The following ILDR1 variants were observed in gnomAD, a reference collection of about 807,000 sequenced individuals.
The protein encoded by ILDR1 is immunoglobulin-like domain-containing receptor 1.
A neutral mutation model predicts 62.4 loss-of-function variants in ILDR1; 56 were observed. That is an observed-to-expected ratio of 0.90 (90% CI 0.72 to 1.12). ILDR1 has a LOEUF of 1.12. ILDR1 is among the 50% of genes most tolerant of loss of function. The pLI is 0.00. For synonymous variants in ILDR1, 284 were observed against 277.8 expected (o/e 1.02, Z -0.22); for missense variants, 736 against 710.6 (o/e 1.04, Z -0.41).
At chr3:121,997,401 A>T (rs1425954778) in intron 5 of ILDR1, among the ~76,000 whole-genome samples, 1 of 152,196 alleles carries the variant, frequency 6.6e-6, no homozygotes, top group Admixed American at 6.5e-5. Context: ...AATTGACCTC[A>T]AATAGCCCTC....
At chr3:122,030,221 G>C in the ILDR1 span, among the ~76,000 whole-genome samples, 1 of 152,068 alleles carries the variant, frequency 6.6e-6, no homozygotes, top group Non-Finnish European at 1.5e-5. Context: ...AGGACAAATG[G>C]GGGCTGCATT....
Position 122,001,326 on chromosome 3 carries a change from A to G in ILDR1, c.628T>C (p.Cys210Arg). The change falls in exon 5 of 8, where the codon TGC becomes CGC. Residue 210 changes from cysteine (C) to arginine (R), a missense_variant. Cys to Arg is a radical substitution (Grantham distance 180, BLOSUM62 -3). Transcript: ENST00000344209. ...CTCTCACCTTCCTCAGGACAGCAGCAGTGGGCAGGACAGCAGGGACAGCGG... is the reference window on the plus strand; with the variant it reads ...CTCTCACCTTCCTCAGGACAGCAGCGGTGGGCAGGACAGCAGGGACAGCGG... ...YIRCPCCPAH[C>R]CCPEEALARH... 1 of 1,614,210 alleles carries G rather than the reference A, an allele frequency of 6.2e-7. No individual in the cohort carries two copies. Among genetic ancestry groups the G allele is most frequent in the East Asian group, 2.2e-5 (1 of 44,890 alleles).
the ILDR1 span, among the ~76,000 whole-genome samples, chr3:122,039,412 A>G: frequency 8.5e-5 from 13 of 152,128 alleles, no homozygotes; most frequent in Non-Finnish European, 1.9e-4. Context: ...TTACACGTAG[A>G]AAAACAAGAT....
chr3:122,023,078 T>C (rs1394447124), upstream of ILDR1, among the ~76,000 whole-genome samples: 6 of 151,050 alleles, frequency 4.0e-5, no homozygotes, highest in South Asian at 2.1e-4. Context: ...CTGCTGCAGC[T>C]TTCCATAGCT....
At chr3:122,052,757 T>C in the ILDR1 span, among the ~76,000 whole-genome samples, 1 of 152,162 alleles carries the variant, frequency 6.6e-6, no homozygotes, top group Non-Finnish European at 1.5e-5. Flanking sequence ...TTAGTAGAGA[T>C]GGGGTTTCAC....
chr3:122,028,869 C>G, the ILDR1 span, among the ~76,000 whole-genome samples: 1 of 152,138 alleles, frequency 6.6e-6, no homozygotes, highest in African/African-American at 2.4e-5. Flanking sequence ...TGTATATATC[C>G]TAGGACCCTG....
At chr3:122,041,098 C>A in the ILDR1 span, among the ~76,000 whole-genome samples, 1 of 152,136 alleles carries the variant, frequency 6.6e-6, no homozygotes, top group Non-Finnish European at 1.5e-5. Context: ...TAAAATGGGT[C>A]AAAAACCTTA....
the ILDR1 span, among the ~76,000 whole-genome samples, chr3:122,051,801 A>G: frequency 5.9e-5 from 9 of 152,290 alleles, no homozygotes; most frequent in South Asian, 1.0e-3. Context: ...AAAGACCTTC[A>G]TAATCTTTAG....
intron 1 of ILDR1, among the ~76,000 whole-genome samples, chr3:122,012,916 T>A (rs2071724992): frequency 6.6e-6 from 1 of 152,228 alleles, no homozygotes; most frequent in African/African-American, 2.4e-5. Flanking sequence ...GGTGGACTCA[T>A]TCACAGCTTG....
At chr3:122,010,861 A>C (rs1216195306) in intron 1 of ILDR1, among the ~76,000 whole-genome samples, 1 of 152,208 alleles carries the variant, frequency 6.6e-6, no homozygotes, top group Non-Finnish European at 1.5e-5. Flanking sequence ...ATATTCTTTT[A>C]TATACTAAAT....
the ILDR1 span, among the ~76,000 whole-genome samples, chr3:122,040,884 T>A: frequency 6.6e-6 from 1 of 152,010 alleles, no homozygotes; most frequent in African/African-American, 2.4e-5. Context: ...AAAGTCACAA[T>A]GCATGAAAGA....
At chr3:122,019,176 G>A (rs1456480714) in intron 1 of ILDR1, among the ~76,000 whole-genome samples, 1 of 152,178 alleles carries the variant, frequency 6.6e-6, no homozygotes, top group African/African-American at 2.4e-5. Flanking sequence ...GGCAACTAGA[G>A]CTATTAGCCA....
intron 1 of ILDR1, among the ~76,000 whole-genome samples, chr3:122,007,574 C>T (rs964264377): frequency 1.3e-5 from 2 of 152,180 alleles, no homozygotes; most frequent in African/African-American, 4.8e-5. Context: ...ACCAGGCCTA[C>T]GAAACCCGTT....
At chr3:122,024,047 A>G (rs927239579), upstream of ILDR1, among the ~76,000 whole-genome samples, 6 of 149,676 alleles carry the variant, frequency 4.0e-5, no homozygotes, top group Non-Finnish European at 7.4e-5. Flanking sequence ...CCGCTTTGGT[A>G]TAAAGGCCAT....
At chr3:122,057,317 G>A in the ILDR1 span, among the ~76,000 whole-genome samples, 1 of 152,028 alleles carries the variant, frequency 6.6e-6, no homozygotes, top group Non-Finnish European at 1.5e-5. Context: ...TCTTGCTATT[G>A]TTTCTAATAA....
chr3:122,042,636 G>A, the ILDR1 span, among the ~76,000 whole-genome samples: 5 of 151,992 alleles, frequency 3.3e-5, no homozygotes, highest in East Asian at 9.7e-4. Context: ...GTATCTCATT[G>A]TGGTTTTGAT....
At chr3:122,047,810 G>C in the ILDR1 span, among the ~76,000 whole-genome samples, 7 of 152,246 alleles carry the variant, frequency 4.6e-5, no homozygotes, top group Admixed American at 3.9e-4. Flanking sequence ...TGCGCCCACT[G>C]TCTGGCACTC....
At chr3:122,004,993 C>G (rs576325061) in intron 3 of ILDR1, among the ~76,000 whole-genome samples, 1 of 152,290 alleles carries the variant, frequency 6.6e-6, no homozygotes, top group South Asian at 2.1e-4. Flanking sequence ...ACCATTCACC[C>G]CTAGACCTTT....
chr3:121,989,500 G>A (rs1295565917), intron 7 of ILDR1, among the ~76,000 whole-genome samples: 3 of 152,204 alleles, frequency 2.0e-5, no homozygotes, highest in Admixed American at 1.3e-4. Flanking sequence ...ATTAGAACAG[G>A]TGTATACCGG....
Sources: gnomAD v4.1 joint callset for allele counts (sites outside exome capture counted in the v4.1 genomes callset) on GRCh38, gnomAD v4.1.1 for gene constraint, MANE v1.5 for transcripts, NCBI Gene and HGNC (gene_info 2026-07-23, HGNC 2026-07-21) for gene names.